The following AKAP6 variants were observed in gnomAD, a reference collection of about 807,000 sequenced individuals.
AKAP6 encodes A-kinase anchor protein 6.
Under a neutral mutation model 188.5 loss-of-function variants are expected in AKAP6, and 58 were observed. The ratio of observed to expected loss-of-function variants is 0.31; its 90% confidence interval spans 0.25 to 0.38. The LOEUF is 0.38. Among genes scored for constraint, AKAP6 ranks in the 10% least tolerant of loss-of-function variants. The probability of loss-of-function intolerance (pLI) is 1.00; values close to 1 mark genes in which losing one functional copy is unlikely to be tolerated. For missense variants in AKAP6, 2,710 were observed against 2,740.0 expected (o/e 0.99, Z 0.24); for synonymous variants, 989 against 998.6 (o/e 0.99, Z 0.18).
chr14:32,816,183 C>A (rs939147280), intron 12 of AKAP6, among the ~76,000 whole-genome samples: 2 of 151,938 alleles, frequency 1.3e-5, no homozygotes, highest in Non-Finnish European at 2.9e-5. Flanking sequence ...TGTCATTGCT[C>A]TTATATGGTT....
At chr14:32,486,721 G>A (rs1879716172) in intron 2 of AKAP6, among the ~76,000 whole-genome samples, 1 of 152,180 alleles carries the variant, frequency 6.6e-6, no homozygotes, top group African/African-American at 2.4e-5. Flanking sequence ...TTTGGGCTGA[G>A]ATGATGGGGT....
At position 32,516,721 on chromosome 14, in the gene AKAP6, T is replaced by G. The variant is rs143233577; in HGVS notation, c.325-18833T>G. ...GGTAAAAACCCTGTATTCCTGAATTTGAATTGGATATATCAATTGTGAACT... is the reference window on the plus strand; with the variant it reads ...GGTAAAAACCCTGTATTCCTGAATTGGAATTGGATATATCAATTGTGAACT... On this transcript the variant is annotated intron_variant, in intron 2 of 13. Coordinates refer to ENST00000280979, the MANE Select transcript of AKAP6 (RefSeq NM_004274.5). 2.9e-3 allele frequency among the ~76,000 whole-genome samples: 437 copies of G among 152,322 alleles called. 1 individual carries two copies. Among genetic ancestry groups the G allele is most frequent in the African/African-American group, 1.0e-2 (414 of 41,574 alleles).
chr14:32,620,985 T>C (rs958220013), intron 7 of AKAP6, among the ~76,000 whole-genome samples: 1 of 152,126 alleles, frequency 6.6e-6, no homozygotes, highest in African/African-American at 2.4e-5. Context: ...TGATCATTTG[T>C]ATTTCTGCAG....
At chr14:32,406,677 A>C (rs1364187601) in intron 1 of AKAP6, among the ~76,000 whole-genome samples, 1 of 152,194 alleles carries the variant, frequency 6.6e-6, no homozygotes, top group African/African-American at 2.4e-5. Context: ...CAAACAATTC[A>C]GTCCCTTATT....
chr14:32,812,110 C>T (rs1389213779), intron 12 of AKAP6, among the ~76,000 whole-genome samples: 1 of 152,076 alleles, frequency 6.6e-6, no homozygotes, highest in Non-Finnish European at 1.5e-5. Context: ...CATGTTATGT[C>T]AATCCCTGAG....
At chr14:32,618,859 T>C (rs1886697450) in intron 7 of AKAP6, among the ~76,000 whole-genome samples, 1 of 152,212 alleles carries the variant, frequency 6.6e-6, no homozygotes, top group Non-Finnish European at 1.5e-5. Context: ...CCAACATTTA[T>C]TGTTTTTTGA....
intron 1 of AKAP6, among the ~76,000 whole-genome samples, chr14:32,389,217 T>A (rs1205281715): frequency 1.3e-5 from 2 of 152,096 alleles, no homozygotes; most frequent in Non-Finnish European, 2.9e-5. Flanking sequence ...CCCTTTACCT[T>A]AAGTTTGTGC....
intron 11 of AKAP6, among the ~76,000 whole-genome samples, chr14:32,753,953 G>A (rs75961662): frequency 3.3e-5 from 5 of 152,128 alleles, no homozygotes; most frequent in African/African-American, 9.6e-5. Context: ...ATATCAGGAA[G>A]TGTGATCTCT....
chr14:32,639,781 A>G (rs1887676662), intron 7 of AKAP6, among the ~76,000 whole-genome samples: 1 of 152,160 alleles, frequency 6.6e-6, no homozygotes, highest in Non-Finnish European at 1.5e-5. Flanking sequence ...TAGACATTAA[A>G]CAGGGAAAGG....
At chr14:32,452,994 T>G (rs1389092602) in intron 2 of AKAP6, among the ~76,000 whole-genome samples, 2 of 152,222 alleles carry the variant, frequency 1.3e-5, no homozygotes, top group African/African-American at 4.8e-5. Flanking sequence ...TCAGAGACCC[T>G]GAATCCTCTG....
intron 2 of AKAP6, among the ~76,000 whole-genome samples, chr14:32,459,590 GA>G (rs1207319546): frequency 1.1e-5 from 1 of 91,924 alleles, no homozygotes; most frequent in Non-Finnish European, 2.3e-5. Flanking sequence ...ATACATATAA[GA>G]AAAAAAATCT....
chr14:32,397,155 GTGCTGTTGCTAC>G (rs767428174), intron 1 of AKAP6, among the ~76,000 whole-genome samples: 19 of 152,102 alleles, frequency 1.2e-4, no homozygotes, highest in Non-Finnish European at 2.4e-4. Context: ...TTCCACAATG[GTGCTGTTGCTAC>G]TGGTCCAAGG....
At chr14:32,335,904 G>A (rs547774152) in intron 1 of AKAP6, among the ~76,000 whole-genome samples, 4 of 133,888 alleles carry the variant, frequency 3.0e-5, no homozygotes, top group South Asian at 2.4e-4. Context: ...CCTATAATTC[G>A]AGGTTATATT....
At chr14:32,401,761 C>T (rs1417496867) in intron 1 of AKAP6, among the ~76,000 whole-genome samples, 1 of 152,192 alleles carries the variant, frequency 6.6e-6, no homozygotes, top group Non-Finnish European at 1.5e-5. Flanking sequence ...ATCAAGTCAA[C>T]ATTGATTTTA....
intron 2 of AKAP6, among the ~76,000 whole-genome samples, chr14:32,519,357 G>T (rs532217611): frequency 6.6e-6 from 1 of 152,118 alleles, no homozygotes; most frequent in African/African-American, 2.4e-5. Flanking sequence ...TTAACCGTAA[G>T]TGTAAATGGG....
At chr14:32,636,044 A>G (rs1261168065) in intron 7 of AKAP6, among the ~76,000 whole-genome samples, 1 of 152,114 alleles carries the variant, frequency 6.6e-6, no homozygotes, top group Non-Finnish European at 1.5e-5. Flanking sequence ...TAGTATTTGT[A>G]AGGACTTTGT....
chr14:32,401,120 C>G (rs536718237), intron 1 of AKAP6, among the ~76,000 whole-genome samples: 195 of 152,222 alleles, frequency 1.3e-3, no homozygotes, highest in South Asian at 8.1e-3. Flanking sequence ...TTACCTTCCT[C>G]GTGAGAATGA....
At chr14:32,348,520 T>C (rs1443200525) in intron 1 of AKAP6, among the ~76,000 whole-genome samples, 2 of 151,282 alleles carry the variant, frequency 1.3e-5, no homozygotes, top group Non-Finnish European at 2.9e-5. Context: ...GTTCAAGTGA[T>C]TCTCCTGCCT....
At chr14:32,373,252 T>A (rs552553580) in intron 1 of AKAP6, 3 of 152,158 alleles carry the variant, frequency 2.0e-5, no homozygotes, top group African/African-American at 7.2e-5. Context: ...ATTACTCAAA[T>A]CAGTCTCCCT....
Sources: allele counts gnomAD v4.1 joint callset (sites outside exome capture counted in the v4.1 genomes callset), GRCh38; gene constraint gnomAD v4.1.1; transcripts MANE v1.5; gene names NCBI Gene and HGNC (gene_info 2026-07-23, HGNC 2026-07-21).